The following CCDC57 variants were observed in gnomAD, a reference collection of about 807,000 sequenced individuals.
CCDC57 encodes coiled-coil domain-containing protein 57.
Under a neutral mutation model 118.9 loss-of-function variants are expected in CCDC57, and 118 were observed. The ratio of observed to expected loss-of-function variants is 0.99; its 90% CI spans 0.86 to 1.16. The LOEUF is 1.16. Among genes scored for constraint, CCDC57 ranks in the 50% most tolerant of loss-of-function variants. CCDC57 has a pLI of 0.00. For missense variants in CCDC57, 1,300 were observed against 1,320.7 expected (o/e 0.98, Z 0.24); for synonymous variants, 527 against 532.9 (o/e 0.99, Z 0.15).
At chr17:82,201,587 G>GCTGCTGCTGCAGCTCCTC (rs1198927616) in exon 3 of CCDC57, 1 of 1,612,560 alleles carries the variant, frequency 6.2e-7, no homozygotes, top group Non-Finnish European at 8.5e-7. Flanking sequence ...GCCAGCTGCT[G>GCTGCTGCTGCAGCTCCTC]CTGCTGCTGC....
chr17:82,183,443 C>T (rs1358875829), intron 9 of CCDC57, among the ~76,000 whole-genome samples: 1 of 152,022 alleles, frequency 6.6e-6, no homozygotes, highest in East Asian at 1.9e-4. Context: ...CTTCTGCCTC[C>T]CTAAGTGCTG....
chr17:82,179,135 A>G (rs1289194355), exon 10 of CCDC57: 2 of 1,613,812 alleles, frequency 1.2e-6, no homozygotes, highest in African/African-American at 2.7e-5. Context: ...GCTGCACCTG[A>G]TCACGCTCCA....
chr17:82,172,492 CTTTGAG>C lies in CCDC57; in HGVS notation c.1729+140_1729+145del, dbSNP rs2146271878. 1 of 677,390 alleles carries C rather than the reference CTTTGAG, an allele frequency of 1.5e-6. No homozygotes were observed. 42.0% of individuals were successfully genotyped at this position (677,390 alleles called of 1,614,324 possible). On this transcript the variant is annotated intron_variant, in intron 12 of 19. Transcript: ENST00000665763. The surrounding 1 kb of genome is among the most constrained non-coding windows in gnomAD (Gnocchi z 5.2). ...TCTTGGAGAAAAAGCAGTTTTCATACTTTGAGTTTATTACAGGGGATGTTAACTTAT... is the reference window on the plus strand; with the variant it reads ...TCTTGGAGAAAAAGCAGTTTTCATACTTTATTACAGGGGATGTTAACTTAT...
At chr17:82,113,718 A>G in intron 19 of CCDC57, 1 of 709,302 alleles carries the variant, frequency 1.4e-6, no homozygotes, top group South Asian at 1.5e-5. Flanking sequence ...GGACTGCTTG[A>G]GCCCAGGAGT....
At chr17:82,102,915 A>G (rs772067242) in intron 19 of CCDC57, among the ~76,000 whole-genome samples, 2 of 151,480 alleles carry the variant, frequency 1.3e-5, no homozygotes, top group Non-Finnish European at 2.9e-5. Context: ...AAAACCCCAC[A>G]GTAAGATGTG....
intron 19 of CCDC57, among the ~76,000 whole-genome samples, chr17:82,123,483 G>T (rs1457865970): frequency 6.6e-6 from 1 of 151,892 alleles, no homozygotes; most frequent in Admixed American, 6.6e-5. Flanking sequence ...AACATGAGGG[G>T]TTATGAGGGA....
exon 17 of CCDC57, chr17:82,134,133 G>A: frequency 7.2e-7 from 1 of 1,395,036 alleles, no homozygotes; most frequent in Non-Finnish European, 9.3e-7. Context: ...AAGGCCTCCT[G>A]GGCTCCTCGC....
At chr17:82,209,529 C>T (rs2050023645) in intron 1 of CCDC57, among the ~76,000 whole-genome samples, 1 of 152,120 alleles carries the variant, frequency 6.6e-6, no homozygotes, top group Non-Finnish European at 1.5e-5. Flanking sequence ...GTCACCCGAG[C>T]TGCAGTGCAG....
At chr17:82,173,771 G>GA (rs1436683075) in intron 11 of CCDC57, among the ~76,000 whole-genome samples, 1 of 152,124 alleles carries the variant, frequency 6.6e-6, no homozygotes, top group Non-Finnish European at 1.5e-5. Flanking sequence ...GCATAGGGAT[G>GA]ACAGACCCCG....
chr17:82,211,011 A>AG (rs1491258957), intron 1 of CCDC57, among the ~76,000 whole-genome samples: 78 of 15,236 alleles, frequency 5.1e-3, no homozygotes, highest in African/African-American at 0.015. Flanking sequence ...AAAAAAAAAG[A>AG]AAAAAAAAAA....
At chr17:82,165,072 A>G (rs961667029) in intron 13 of CCDC57, among the ~76,000 whole-genome samples, 3 of 152,216 alleles carry the variant, frequency 2.0e-5, no homozygotes, top group African/African-American at 7.2e-5. Flanking sequence ...CTGTAATCCC[A>G]GCTACACAGG....
At chr17:82,116,864 C>T (rs1477697293) in intron 19 of CCDC57, among the ~76,000 whole-genome samples, 1 of 152,110 alleles carries the variant, frequency 6.6e-6, no homozygotes, top group East Asian at 1.9e-4. Context: ...CAGTCTAGGT[C>T]CCCCCACAGC....
At chr17:82,199,707 A>C (rs2146871270) in intron 3 of CCDC57, among the ~76,000 whole-genome samples, 1 of 152,248 alleles carries the variant, frequency 6.6e-6, no homozygotes. Context: ...ACCTGCACGG[A>C]CTCGGCGCCC....
At chr17:82,162,632 G>A (rs1164041945) in intron 14 of CCDC57, among the ~76,000 whole-genome samples, 4 of 99,554 alleles carry the variant, frequency 4.0e-5, no homozygotes, top group African/African-American at 8.0e-5. Flanking sequence ...CCCTCTGAGC[G>A]GGCAGGTGGC....
chr17:82,176,829 C>T (rs1281052531), intron 11 of CCDC57, among the ~76,000 whole-genome samples: 3 of 145,220 alleles, frequency 2.1e-5, no homozygotes, highest in East Asian at 4.2e-4. Flanking sequence ...GCACTCACTT[C>T]CAACAGGGAA....
chr17:82,173,082 TAG>T lies in CCDC57; in HGVS notation c.1507-224_1507-223del, dbSNP rs1445683025. ...GAGCCTTTCATACTTTTGAGATCCC[TAG>T]AGTGTCCAATCCACAGAGGCAGAAA... On this transcript the variant is annotated intron_variant, in intron 11 of 19. Transcript: ENST00000665763. Among the ~76,000 whole-genome samples, 4 of 152,052 alleles carry T rather than the reference TAG, an allele frequency of 2.6e-5. No individual in the cohort carries two copies. In the East Asian group the frequency reaches 7.7e-4, roughly 29 times the overall value.
At chr17:82,111,377 C>CTTTT (rs752590665) in intron 19 of CCDC57, among the ~76,000 whole-genome samples, 3 of 113,240 alleles carry the variant, frequency 2.6e-5, no homozygotes, top group African/African-American at 1.1e-4. Flanking sequence ...GCCTAGGGCC[C>CTTTT]TTTTTTTTTT....
At chr17:82,146,717 G>A (rs12600852) in intron 16 of CCDC57, among the ~76,000 whole-genome samples, 71,190 of 152,130 alleles carry the variant, frequency 0.47, 17,469 homozygotes, top group East Asian at 0.88. Context: ...CTATGGATGT[G>A]TGCATGCATG....
intron 15 of CCDC57, chr17:82,153,950 C>G (rs1422996314): frequency 6.6e-6 from 1 of 152,466 alleles, no homozygotes; most frequent in Non-Finnish European, 1.5e-5. Flanking sequence ...GAGGCCTGGG[C>G]CTGGTACAGT....
Sources: gnomAD v4.1 joint callset for allele counts (sites outside exome capture counted in the v4.1 genomes callset) on GRCh38, gnomAD v4.1.1 for gene constraint, Gnocchi (gnomAD v3.1) non-coding constraint, MANE v1.5 for transcripts, NCBI Gene and HGNC (gene_info 2026-07-23, HGNC 2026-07-21) for gene names.